TSPAN13: variants seen among roughly 807,000 people sequenced by gnomAD.
The protein encoded by TSPAN13 is tetraspanin-13.
TSPAN13 carries 18 observed loss-of-function variants against 26.9 expected under a neutral mutation model. The ratio of observed to expected loss-of-function variants is 0.67; its 90% confidence interval spans 0.46 to 0.99. The LOEUF (loss-of-function observed/expected upper bound fraction) is 0.99. TSPAN13 is among the 50% of genes least tolerant of loss of function. The pLI, the probability that TSPAN13 is intolerant of heterozygous loss-of-function variation, is 0.00. For synonymous variants in TSPAN13, 116 were observed against 98.4 expected (o/e 1.18, Z -1.06); for missense variants, 201 against 249.6 (o/e 0.81, Z 1.31).
chr7:16,753,772 G>A lies in TSPAN13; in HGVS notation c.-196G>A, dbSNP rs1784447687. On this transcript the variant is annotated 5_prime_UTR_variant, in exon 1 of 6. Coordinates refer to ENST00000262067, the MANE Select transcript of TSPAN13 (RefSeq NM_014399.4). ...CTCCTGCTCCGGCTCAGCTGCGGCG[G>A]CCGCAGGTTCCAAAGCGGGTCCGAG... 4.4e-6 allele frequency: 2 copies of A among 459,598 alleles called. No individual in the cohort carries two copies. The highest frequency in any genetic ancestry group is 4.5e-5 in the Admixed American group (1 of 22,112). The allele number at this position is 459,598 out of a possible 1,614,324, so 28.5% of individuals were successfully genotyped here.
intron 1 of TSPAN13, among the ~76,000 whole-genome samples, chr7:16,759,950 T>G (rs762229930): frequency 6.6e-6 from 1 of 152,216 alleles, no homozygotes; most frequent in Non-Finnish European, 1.5e-5. Flanking sequence ...GCCTCCCAAA[T>G]TGCTTGGATT....
At chr7:16,755,752 A>T (rs1425321162) in intron 1 of TSPAN13, among the ~76,000 whole-genome samples, 1 of 152,114 alleles carries the variant, frequency 6.6e-6, no homozygotes, top group Non-Finnish European at 1.5e-5. Context: ...AATCTTTTTT[A>T]AAAAGGCAAG....
At chr7:16,776,670 C>G (rs758277689) in intron 2 of TSPAN13, among the ~76,000 whole-genome samples, 1 of 151,824 alleles carries the variant, frequency 6.6e-6, no homozygotes, top group Non-Finnish European at 1.5e-5. Flanking sequence ...CTTCTAGGCC[C>G]TTTTTTACAC....
chr7:16,779,913 A>G (rs886678194), intron 5 of TSPAN13, among the ~76,000 whole-genome samples: 2 of 151,464 alleles, frequency 1.3e-5, no homozygotes, highest in Non-Finnish European at 2.9e-5. Flanking sequence ...CTGGGACTAC[A>G]GGCGCCCGCC....
At chr7:16,771,390 A>G (rs1330225821) in intron 1 of TSPAN13, among the ~76,000 whole-genome samples, 1 of 152,250 alleles carries the variant, frequency 6.6e-6, no homozygotes, top group African/African-American at 2.4e-5. Context: ...TGAAACCTAC[A>G]AACACGTTAC....
chr7:16,753,885 C>T lies in TSPAN13; in HGVS notation c.-83C>T. Reference sequence around the variant, plus strand: ...TTGCTGCCCCGCCTGGGCCAGGCCCCAAAGGCAAGGACAAAGCAGCTGTCA... The same window carrying T: ...TTGCTGCCCCGCCTGGGCCAGGCCCTAAAGGCAAGGACAAAGCAGCTGTCA... On this transcript the variant is annotated 5_prime_UTR_variant, in exon 1 of 6. Coordinates refer to ENST00000262067, the MANE Select transcript of TSPAN13 (RefSeq NM_014399.4). 6.8e-7 allele frequency: 1 copy of T among 1,467,410 alleles called. No homozygotes were observed. 90.9% of individuals were successfully genotyped at this position (1,467,410 alleles called of 1,614,324 possible).
At chr7:16,766,181 A>C (rs1030505173) in intron 1 of TSPAN13, among the ~76,000 whole-genome samples, 3 of 152,258 alleles carry the variant, frequency 2.0e-5, no homozygotes, top group African/African-American at 7.2e-5. Context: ...TGTTAGAAAC[A>C]CCAGTCATAC....
chr7:16,764,922 GT>G (rs1344996617), intron 1 of TSPAN13, among the ~76,000 whole-genome samples: 1 of 117,732 alleles, frequency 8.5e-6, no homozygotes, highest in Non-Finnish European at 1.7e-5. Flanking sequence ...TCTCTGTTTT[GT>G]TTTTGTTTTT....
intron 3 of TSPAN13, among the ~76,000 whole-genome samples, chr7:16,777,508 G>GA (rs1784767400): frequency 1.3e-5 from 2 of 152,158 alleles, no homozygotes; most frequent in Admixed American, 6.6e-5. Flanking sequence ...TGGAGCAACA[G>GA]AACTTTTGCC....
chr7:16,779,536 T>C (rs1784791683), intron 5 of TSPAN13, among the ~76,000 whole-genome samples: 1 of 151,844 alleles, frequency 6.6e-6, no homozygotes, highest in Admixed American at 6.6e-5. Flanking sequence ...TCTTGAAAAA[T>C]TGCCTTCCTA....
At chr7:16,770,628 CATG>C (rs1445757991) in intron 1 of TSPAN13, among the ~76,000 whole-genome samples, 1 of 152,142 alleles carries the variant, frequency 6.6e-6, no homozygotes, top group Non-Finnish European at 1.5e-5. Flanking sequence ...ATATCTCTCT[CATG>C]GTAAATTTTT....
At chr7:16,757,505 AC>A (rs1266216861) in intron 1 of TSPAN13, among the ~76,000 whole-genome samples, 2 of 136,800 alleles carry the variant, frequency 1.5e-5, no homozygotes, top group Admixed American at 1.5e-4. Context: ...AAAACAAACA[AC>A]CAAAAAAAAG....
intron 1 of TSPAN13, among the ~76,000 whole-genome samples, chr7:16,755,967 G>A (rs185849569): frequency 1.3e-5 from 2 of 152,090 alleles, no homozygotes; most frequent in Admixed American, 1.3e-4. Flanking sequence ...GGAAATTCAC[G>A]GGACAATAAA....
At position 16,783,980 on chromosome 7, in the gene TSPAN13, GA is replaced by G. The variant is rs1784843902; in HGVS notation, c.*490del. The G allele has an allele frequency of 1.4e-5, 1 of 71,262 alleles. No homozygotes were observed. Among genetic ancestry groups the G allele is most frequent in the African/African-American group, 4.3e-5 (1 of 23,286 alleles). The allele number at this position is 71,262 out of a possible 1,614,324, so 4.4% of individuals were successfully genotyped here. A position where few individuals can be genotyped will look rare whatever the true frequency, so the allele number is the denominator to read the frequency against. The stretch of plus-strand genomic sequence containing the variant: ...AATTTTTTTTGGTCTTTTTAGGAAA[GA>G]TTGTTGTGGTAAAAAGTGTTAGTAT... On this transcript the variant is annotated 3_prime_UTR_variant, in exon 6 of 6. Transcript: ENST00000262067.
intron 1 of TSPAN13, among the ~76,000 whole-genome samples, chr7:16,763,168 C>G (rs973796846): frequency 2.0e-5 from 3 of 152,180 alleles, no homozygotes; most frequent in Non-Finnish European, 4.4e-5. Flanking sequence ...TGATTACCTT[C>G]TTTTGACGGC....
intron 3 of TSPAN13, 91 bp downstream of exon 3, chr7:16,777,213 C>T (rs533835888): frequency 1.3e-4 from 127 of 949,624 alleles, no homozygotes; most frequent in Non-Finnish European, 2.0e-4. Context: ...AAAATAATTT[C>T]GTCTTGCACA....
chr7:16,776,763 T>G (rs1446834332), intron 2 of TSPAN13, among the ~76,000 whole-genome samples: 1 of 152,242 alleles, frequency 6.6e-6, no homozygotes, highest in Non-Finnish European at 1.5e-5. Flanking sequence ...TACCTATGTC[T>G]GTTTTGTAAA....
chr7:16,760,696 C>T (rs1334721455), intron 1 of TSPAN13, among the ~76,000 whole-genome samples: 1 of 152,038 alleles, frequency 6.6e-6, no homozygotes, highest in Non-Finnish European at 1.5e-5. Context: ...GAGGAACATT[C>T]AGCAAGGGAG....
rs376890303 is a variant in TSPAN13, at chr7:16,754,027, C to T, written c.60C>T (p.Tyr20=). Residue 20 remains tyrosine, a synonymous_variant, in exon 1 of 6, where the codon TAC becomes TAT. Coordinates refer to ENST00000262067, the MANE Select transcript of TSPAN13 (RefSeq NM_014399.4). ...GCCTGTGCGCCCTCAACCTGCTTTA[C>T]ACCGTGAGTATCCCCAGTCCGTTCC... ...KNCLCALNLL[Y]TLVSLLLIGI... 4.0e-5 allele frequency: 65 copies of T among 1,613,638 alleles called. No homozygotes were observed. The highest frequency in any genetic ancestry group is 6.7e-5 in the Admixed American group (4 of 59,980).
Sources: gnomAD v4.1 joint callset for allele counts (sites outside exome capture counted in the v4.1 genomes callset) on GRCh38, gnomAD v4.1.1 for gene constraint, MANE v1.5 for transcripts, NCBI Gene and HGNC (gene_info 2026-07-23, HGNC 2026-07-21) for gene names.